The following AKAP9 variants were observed in gnomAD, a reference collection of about 807,000 sequenced individuals.
The protein encoded by AKAP9 is A-kinase anchoring protein 9.
A neutral mutation model predicts 488.5 loss-of-function variants in AKAP9; 311 were observed. The observed-to-expected ratio is 0.64, with a 90% CI of 0.58 to 0.70. The LOEUF is 0.70. Among genes scored for constraint, AKAP9 ranks in the 30% least tolerant of loss-of-function variants. The probability of loss-of-function intolerance (pLI) is 0.00; values close to 1 mark genes in which losing one functional copy is unlikely to be tolerated. For synonymous variants in AKAP9, 1,462 were observed against 1,483.5 expected (o/e 0.99, Z 0.33); for missense variants, 4,215 against 4,374.5 (o/e 0.96, Z 1.03).
intron 8 of AKAP9, among the ~76,000 whole-genome samples, chr7:92,008,942 C>T (rs940870901): frequency 4.1e-5 from 6 of 147,932 alleles, no homozygotes; most frequent in Admixed American, 2.7e-4. Flanking sequence ...GCTGAAATCA[C>T]ACCACTGCAC....
At position 91,940,950 on chromosome 7, in the gene AKAP9, A is replaced by T; in HGVS notation, c.-150A>T. 1 of 812,870 alleles carries T rather than the reference A, an allele frequency of 1.2e-6. No homozygotes were observed. Among genetic ancestry groups the T allele is most frequent in the South Asian group, 1.5e-5 (1 of 68,804 alleles). The allele number at this position is 812,870 out of a possible 1,614,324, so 50.4% of individuals were successfully genotyped here. On this transcript the variant is annotated 5_prime_UTR_variant, in exon 1 of 50. Transcript: ENST00000356239. ...GGACGATCCGCCAGTGAGCGCGGAG[A>T]CTGCTTCCACTTCGGGCGGGGGAGC...
chr7:92,098,746 C>T (rs1047863129), intron 43 of AKAP9, among the ~76,000 whole-genome samples: 1 of 152,170 alleles, frequency 6.6e-6, no homozygotes, highest in Non-Finnish European at 1.5e-5. Flanking sequence ...ACTATGAAAG[C>T]TCACACAGTC....
At chr7:92,042,893 C>CT in intron 20 of AKAP9, 122 bp downstream of exon 20, 2 of 697,410 alleles carry the variant, frequency 2.9e-6, no homozygotes, top group South Asian at 1.5e-5. Context: ...ATCATACCAT[C>CT]TGTGTATGAA....
chr7:92,097,868 T>A, intron 42 of AKAP9, 74 bp downstream of exon 42: 1 of 1,435,716 alleles, frequency 7.0e-7, no homozygotes, highest in Non-Finnish European at 9.8e-7. Flanking sequence ...CTGGGACAGC[T>A]AGCCAAGGGT....
At chr7:91,985,520 A>G (rs1433639486) in intron 3 of AKAP9, among the ~76,000 whole-genome samples, 2 of 152,058 alleles carry the variant, frequency 1.3e-5, no homozygotes, top group Non-Finnish European at 2.9e-5. Flanking sequence ...GTTTGCCAGT[A>G]TTTTATTGAG....
chr7:92,060,816 C>G lies in AKAP9; in HGVS notation c.5602-444C>G, dbSNP rs554453945. Among the ~76,000 whole-genome samples, 8 of 152,110 alleles carry G rather than the reference C, an allele frequency of 5.3e-5. No homozygotes were observed. The South Asian group carries it at 1.0e-3, about 20-fold the overall frequency. ...ATTGTATTAATCATGTATTATTGGT[C>G]CCCCACAGTATACAGCAGATACTGT... is the stretch of plus-strand genomic sequence containing the variant. On this transcript the variant is annotated intron_variant, in intron 22 of 49. Transcript: ENST00000356239.
rs747777578 is a variant in AKAP9, at chr7:92,014,269, C to A, written c.3553C>A (p.His1185Asn). The A allele has an allele frequency of 5.6e-6, 9 of 1,612,756 alleles. No individual in the cohort carries two copies. Among genetic ancestry groups the A allele is most frequent in the Middle Eastern group, 1.7e-4 (1 of 5,968 alleles). The stretch of plus-strand genomic sequence containing the variant: ...ATTAGGTGATGAAGGAAAGCCTTTA[C>A]ATCTGCTCATTGGAAAACTTCAAAA... ...QETGDEGKPL[H>N]LLIGKLQKAV... Residue 1185 changes from histidine to asparagine, a missense_variant, in exon 10 of 50, where the codon CAT (histidine) becomes AAT (asparagine). This residue lies in a region of AKAP9 where 2,361 missense variants were observed against 2,430.0 expected (regional missense o/e 0.97). Transcript: ENST00000356239.
chr7:92,074,435 A>T (rs949885189), intron 28 of AKAP9, among the ~76,000 whole-genome samples: 2 of 152,212 alleles, frequency 1.3e-5, no homozygotes, highest in Non-Finnish European at 2.9e-5. Flanking sequence ...TAGTTCAACC[A>T]TTATGGAAGA....
chr7:92,083,355 AGAT>A lies in AKAP9; in HGVS notation c.8348_8350del (p.Asp2783del). On this transcript the variant is annotated inframe_deletion, in exon 33 of 50. Transcript: ENST00000356239. The stretch of plus-strand genomic sequence containing the variant: ...TGAGTAAGAGCATTGCATCCCAGAC[AGAT>A]GGGACTCTGAAGATCAGTAGCAGCA... 1 of 1,614,096 alleles carries A rather than the reference AGAT, an allele frequency of 6.2e-7. No homozygotes were observed. The highest frequency in any genetic ancestry group is 8.5e-7 in the Non-Finnish European group (1 of 1,179,994).
In AKAP9 at chr7:92,107,289, T is replaced by G. The variant is rs1584601292; in HGVS notation, c.11417-4T>G. 1.9e-6 allele frequency: 3 copies of G among 1,613,872 alleles called. No homozygotes were observed. Among genetic ancestry groups the G allele is most frequent in the African/African-American group, 2.7e-5 (2 of 75,010 alleles). On this transcript the variant is annotated splice_polypyrimidine_tract_variant and splice_region_variant and intron_variant, in intron 47 of 49. Coordinates refer to ENST00000356239, the MANE Select transcript of AKAP9 (RefSeq NM_005751.5). ...TTTACAAGGAATATTTTGGGTTACT[T>G]TAGGTGCAGAAAAGACTGACTCATT...
intron 7 of AKAP9, among the ~76,000 whole-genome samples, chr7:91,996,862 C>T (rs1798466626): frequency 6.6e-6 from 1 of 152,166 alleles, no homozygotes. Flanking sequence ...TAAGTGCTTA[C>T]TGTGTAACAG....
Position 92,096,786 on chromosome 7 carries a change from A to G in AKAP9, c.9827A>G (p.Lys3276Arg). ...CAACTACTGAACGAATCCCAGCAAA[A>G]AATAGAATCACAGAGAATGCTATAT... ...QKQLLNESQQ[K>R]IESQRMLYDA... The change falls in exon 41 of 50, where the codon AAA (lysine) becomes AGA (arginine). Residue 3276 changes from lysine to arginine, a missense_variant. By Grantham distance (26) the Lys-to-Arg change is conservative (BLOSUM62 2). This residue lies in a region of AKAP9 where 1,476 missense variants were observed against 1,477.4 expected (regional missense o/e 1.00). Coordinates refer to ENST00000356239, the MANE Select transcript of AKAP9 (RefSeq NM_005751.5). 2 of 1,614,242 alleles carry G rather than the reference A, an allele frequency of 1.2e-6. No individual in the cohort carries two copies. The highest frequency in any genetic ancestry group is 1.7e-6 in the Non-Finnish European group (2 of 1,180,042).
chr7:92,082,482 T>C (rs1231078527), intron 31 of AKAP9, 40 bp from the exon 32 acceptor site: 1 of 1,603,170 alleles, frequency 6.2e-7, no homozygotes, highest in East Asian at 2.2e-5. Flanking sequence ...GCTATATTTT[T>C]TTTAAATTAT....
chr7:92,081,499 T>A (rs866063661), intron 31 of AKAP9, among the ~76,000 whole-genome samples: 53 of 139,018 alleles, frequency 3.8e-4, no homozygotes, highest in South Asian at 9.0e-4. Context: ...ATATATATAT[T>A]TTTTTTTTTT....
chr7:91,982,847 T>G (rs981340300), intron 3 of AKAP9, among the ~76,000 whole-genome samples: 1 of 152,124 alleles, frequency 6.6e-6, no homozygotes, highest in Non-Finnish European at 1.5e-5. Flanking sequence ...CTCTCCAGCA[T>G]CTGTTGTCTC....
At chr7:91,957,599 G>A (rs1389596767) in intron 1 of AKAP9, among the ~76,000 whole-genome samples, 1 of 152,064 alleles carries the variant, frequency 6.6e-6, no homozygotes. Context: ...CATATTTTAG[G>A]TTAGTAGCTT....
At chr7:91,958,549 G>A (rs1054420966) in intron 1 of AKAP9, among the ~76,000 whole-genome samples, 1 of 151,938 alleles carries the variant, frequency 6.6e-6, no homozygotes, top group African/African-American at 2.4e-5. Context: ...CTTTCTTTAG[G>A]GATAAGATTT....
At chr7:92,102,863 C>T (rs1181217116) in intron 46 of AKAP9, 37 bp downstream of exon 46, 2 of 1,520,698 alleles carry the variant, frequency 1.3e-6, no homozygotes, top group African/African-American at 1.4e-5. Context: ...TACTAGTAGA[C>T]TCTCTAAAAG....
chr7:91,949,897 T>C (rs1032403801), intron 1 of AKAP9, among the ~76,000 whole-genome samples: 2 of 152,226 alleles, frequency 1.3e-5, no homozygotes, highest in Non-Finnish European at 2.9e-5. Context: ...TATTGTGGTT[T>C]ACTGTTCTCT....
Sources: gnomAD v4.1 joint callset for allele counts (sites outside exome capture counted in the v4.1 genomes callset) on GRCh38, gnomAD v4.1.1 for gene constraint, gnomAD v4.1.1 regional missense constraint, MANE v1.5 for transcripts, NCBI Gene and HGNC (gene_info 2026-07-23, HGNC 2026-07-21) for gene names.